Variants in MAPKAP1 observed in about 807,000 individuals in gnomAD.
MAPKAP1 encodes the protein target of rapamycin complex 2 subunit MAPKAP1.
MAPKAP1 carries 20 observed loss-of-function variants against 65.7 expected under a neutral mutation model. The observed-to-expected ratio is 0.30, with a 90% CI of 0.21 to 0.44. The LOEUF (loss-of-function observed/expected upper bound fraction) is 0.44. Among genes scored for constraint, MAPKAP1 ranks in the 20% least tolerant of loss-of-function variants. The probability of loss-of-function intolerance (pLI) is 1.00; values close to 1 mark genes in which losing one functional copy is unlikely to be tolerated. For synonymous variants in MAPKAP1, 222 were observed against 244.3 expected (o/e 0.91, Z 0.85); for missense variants, 423 against 648.0 (o/e 0.65, Z 3.77).
intron 10 of MAPKAP1, among the ~76,000 whole-genome samples, chr9:125,450,558 T>C (rs1161786716): frequency 6.6e-6 from 1 of 152,214 alleles, no homozygotes; most frequent in Non-Finnish European, 1.5e-5. Flanking sequence ...ATGGGTCATG[T>C]TGCTATCTCT....
At chr9:125,656,258 C>T (rs535589803) in intron 4 of MAPKAP1, among the ~76,000 whole-genome samples, 1 of 152,176 alleles carries the variant, frequency 6.6e-6, no homozygotes, top group South Asian at 2.1e-4. Context: ...TAGTCCAACT[C>T]GCCATTTTCC....
At chr9:125,565,853 C>A in intron 5 of MAPKAP1, 1 of 266,352 alleles carries the variant, frequency 3.8e-6, no homozygotes, top group South Asian at 3.9e-5. Flanking sequence ...ACATAGTAGG[C>A]CCTCCAGTGT....
At chr9:125,608,353 G>C (rs868739046) in intron 4 of MAPKAP1, among the ~76,000 whole-genome samples, 22 of 152,222 alleles carry the variant, frequency 1.4e-4, no homozygotes, top group Middle Eastern at 3.4e-3. Flanking sequence ...TGTAAACAGT[G>C]AACAAGCCAT....
In MAPKAP1 at chr9:125,528,995, TGTCTAAAAATAC is replaced by T. The variant is rs1270879585; in HGVS notation, c.958+14052_958+14063del. ...GCCTGGCCAACATGGCGAAAACCCC[TGTCTAAAAATAC>T]AACTAAAAATACAAAAATTAGCCGG... On this transcript the variant is annotated intron_variant, in intron 7 of 11. Coordinates refer to ENST00000265960, the MANE Select transcript of MAPKAP1 (RefSeq NM_001006617.3). 4.0e-5 allele frequency among the ~76,000 whole-genome samples: 6 copies of T among 151,040 alleles called. No individual in the cohort carries two copies. In the East Asian group the frequency reaches 1.2e-3, roughly 29 times the overall value.
intron 4 of MAPKAP1, among the ~76,000 whole-genome samples, chr9:125,655,785 A>G (rs1356983121): frequency 1.3e-5 from 2 of 152,230 alleles, no homozygotes; most frequent in Non-Finnish European, 2.9e-5. Context: ...ATCTTTCTTA[A>G]TCAATGCATA....
intron 4 of MAPKAP1, among the ~76,000 whole-genome samples, chr9:125,603,748 G>C (rs891551653): frequency 1.3e-5 from 2 of 151,858 alleles, no homozygotes; most frequent in Non-Finnish European, 2.9e-5. Flanking sequence ...GGATTTCCTC[G>C]GAAGGCTGCT....
chr9:125,450,090 C>A (rs1033940225), intron 10 of MAPKAP1, among the ~76,000 whole-genome samples: 1 of 151,852 alleles, frequency 6.6e-6, no homozygotes, highest in Non-Finnish European at 1.5e-5. Flanking sequence ...GCCCGGCTAT[C>A]ATTTTTTTTA....
rs192497847 is a variant in MAPKAP1, at chr9:125,646,585, G to A, written c.498+11066C>T. Among the ~76,000 whole-genome samples the A allele has an allele frequency of 1.1e-4, 17 of 152,248 alleles. No homozygotes were observed. In the East Asian group the frequency reaches 3.3e-3, roughly 29 times the overall value. On this transcript the variant is annotated intron_variant, in intron 4 of 11. Coordinates refer to ENST00000265960, the MANE Select transcript of MAPKAP1 (RefSeq NM_001006617.3). ...CTTAAAAGGGGGCTTAAATCTCATA[G>A]GCTAGATTTTATGAATTTTGTTTCT...
intron 7 of MAPKAP1, among the ~76,000 whole-genome samples, chr9:125,528,531 C>T (rs994832389): frequency 1.3e-5 from 2 of 152,194 alleles, no homozygotes; most frequent in Non-Finnish European, 2.9e-5. Context: ...AACCTGAGGA[C>T]TCAAGGAAGT....
At position 125,439,000 on chromosome 9, in the gene MAPKAP1, G is replaced by T; in HGVS notation, c.1456C>A (p.Leu486Met). 4 of 1,613,810 alleles carry T rather than the reference G, an allele frequency of 2.5e-6. No individual in the cohort carries two copies. Among genetic ancestry groups the T allele is most frequent in the Non-Finnish European group, 2.5e-6 (3 of 1,179,998 alleles). The stretch of plus-strand genomic sequence containing the variant: ...CGGGCAGTGCTAGCTCGCGATTCCA[G>T]GATGTAGTTAACCTAGAAACAAGAG... ...NEIVLKVNYI[L>M]ESRASTARAD... The change falls in exon 12 of 12, where the codon CTG becomes ATG. Residue 486 changes from leucine (L) to methionine (M), a missense_variant. Leu to Met is a conservative substitution (Grantham distance 15). Around this residue, in one of 6 missense-constraint regions of MAPKAP1, gnomAD observed 185 missense variants for 268.1 expected, o/e 0.69. Transcript: ENST00000265960.
chr9:125,695,373 G>A lies in MAPKAP1; in HGVS notation c.-70+11598C>T, dbSNP rs10123569. Among the ~76,000 whole-genome samples, 1,436 of 152,274 alleles carry A rather than the reference G, an allele frequency of 9.4e-3. 19 individuals are homozygous for A. Among genetic ancestry groups the A allele is most frequent in the African/African-American group, 0.033 (1,361 of 41,544 alleles). On this transcript the variant is annotated intron_variant, in intron 1 of 11. Transcript: ENST00000265960. ...TTAGGTAATTATGGCTTTGCAGAGGGATGCCGAAATGAAATATGACAACAT... is the reference window on the plus strand; with the variant it reads ...TTAGGTAATTATGGCTTTGCAGAGGAATGCCGAAATGAAATATGACAACAT...
At chr9:125,631,429 A>G (rs903588075) in intron 4 of MAPKAP1, among the ~76,000 whole-genome samples, 9 of 152,220 alleles carry the variant, frequency 5.9e-5, no homozygotes, top group Non-Finnish European at 8.8e-5. Flanking sequence ...CAATGTTCAC[A>G]TCTTCTCTGG....
At chr9:125,526,185 G>A (rs1199605250) in intron 7 of MAPKAP1, among the ~76,000 whole-genome samples, 1 of 152,194 alleles carries the variant, frequency 6.6e-6, no homozygotes, top group Non-Finnish European at 1.5e-5. Flanking sequence ...AGCCTTTGGG[G>A]ATGTCTGCAT....
At chr9:125,536,585 T>TATTCATTCATTC (rs6151178) in intron 7 of MAPKAP1, among the ~76,000 whole-genome samples, 46,093 of 151,582 alleles carry the variant, frequency 0.3, 7,385 homozygotes, top group Middle Eastern at 0.38. Context: ...ATTTTCCATT[T>TATTCATTCATTC]ATTCATTCAT....
Position 125,559,748 on chromosome 9 carries a change from A to G in MAPKAP1, c.733T>C (p.Phe245Leu). 6.2e-7 allele frequency: 1 copy of G among 1,613,922 alleles called. No homozygotes were observed. Among genetic ancestry groups the G allele is most frequent in the Non-Finnish European group, 8.5e-7 (1 of 1,179,854 alleles). The change falls in exon 6 of 12, where the codon TTC (phenylalanine) becomes CTC (leucine). Residue 245 changes from phenylalanine (F) to leucine (L), a missense_variant. Phe to Leu is a conservative substitution (Grantham distance 22). Transcript: ENST00000265960. ...AEDDGEVDTD[F>L]PPLDSNEPIH... ...GGCTCATTGGAATCCAGCGGGGGGA[A>G]ATCGGTGTCCACCTCCCCATCATCC...
At chr9:125,622,898 A>G (rs1456008708) in intron 4 of MAPKAP1, among the ~76,000 whole-genome samples, 4 of 151,150 alleles carry the variant, frequency 2.6e-5, no homozygotes, top group African/African-American at 9.7e-5. Context: ...GCTCACTGCA[A>G]CCTCCCTGCC....
chr9:125,661,429 G>A (rs116418085), intron 3 of MAPKAP1, among the ~76,000 whole-genome samples: 7 of 152,080 alleles, frequency 4.6e-5, no homozygotes, highest in Non-Finnish European at 8.8e-5. Context: ...ATCCCTCACC[G>A]GGGCATGGGT....
At chr9:125,529,906 A>G (rs1829886196) in intron 7 of MAPKAP1, among the ~76,000 whole-genome samples, 1 of 152,202 alleles carries the variant, frequency 6.6e-6, no homozygotes. Context: ...CTGACTAGCT[A>G]TTTTTCTTCT....
intron 8 of MAPKAP1, among the ~76,000 whole-genome samples, chr9:125,499,630 C>A (rs1828910901): frequency 6.6e-6 from 1 of 152,178 alleles, no homozygotes; most frequent in South Asian, 2.1e-4. Context: ...AGAGTGGGAA[C>A]TAGAGCCCAG....
Sources: gnomAD v4.1 joint callset for allele counts (sites outside exome capture counted in the v4.1 genomes callset) on GRCh38, gnomAD v4.1.1 for gene constraint, gnomAD v4.1.1 regional missense constraint, MANE v1.5 for transcripts, NCBI Gene and HGNC (gene_info 2026-07-23, HGNC 2026-07-21) for gene names.